The following PNPLA7 variants were observed in gnomAD, a reference collection of about 807,000 sequenced individuals.
PNPLA7 encodes the protein patatin-like phospholipase domain-containing protein 7.
In PNPLA7, 153 loss-of-function variants were observed where a neutral mutation model predicts 161.7. The observed-to-expected ratio is 0.95, with a 90% CI of 0.83 to 1.08. The LOEUF is 1.08. PNPLA7 is among the 50% of genes least tolerant of loss of function. The pLI is 0.00. For synonymous variants in PNPLA7, 809 were observed against 782.1 expected, an observed-to-expected ratio of 1.03 and a Z score of -0.57; for missense variants, 1,739 against 1,856.6, an observed-to-expected ratio of 0.94 and a Z score of 1.16.
chr9:137,479,838 C>T lies in PNPLA7; in HGVS notation c.2580+474G>A, dbSNP rs1160017982. ...CAGACACAGCCTGGGGCCAGCGTCC[C>T]GAAGGTGCCTGCAGAAGGCTGTTCC... On this transcript the variant is annotated intron_variant, in intron 23 of 34. Coordinates refer to ENST00000406427, the MANE Select transcript of PNPLA7 (RefSeq NM_001098537.3). 1.6e-5 allele frequency: 16 copies of T among 985,280 alleles called. No individual in the cohort carries two copies. The Admixed American group carries it at 1.8e-4, about 11-fold the overall frequency. The allele number at this position is 985,280 out of a possible 1,614,324, so 61.0% of individuals were successfully genotyped here.
rs773964216 is a variant in PNPLA7, at chr9:137,463,480, G to T, written c.3278C>A (p.Pro1093His). 7.5e-6 allele frequency: 12 copies of T among 1,593,114 alleles called. No individual in the cohort carries two copies. The change falls in exon 29 of 35, where the codon CCC becomes CAC. Residue 1093 changes from proline (P) to histidine (H), a missense_variant. This residue lies in a region of PNPLA7 where 703 missense variants were observed against 694.6 expected (regional missense o/e 1.01). Transcript: ENST00000406427. The part of the protein sequence containing the change: ...RASMSLSGYM[P>H]PLCDPKDGHL... ...TCCGTCCTTCGGGTCACAGAGAGGG[G>T]GCATGTAACCGGACAGGGACATGCT...
intron 15 of PNPLA7, among the ~76,000 whole-genome samples, chr9:137,501,440 A>G (rs1022518221): frequency 7.2e-5 from 11 of 152,206 alleles, no homozygotes; most frequent in African/African-American, 2.7e-4. Flanking sequence ...CAGAAGGGCC[A>G]GTGCAGCAGG....
At chr9:137,492,936 G>T in intron 20 of PNPLA7, 77 bp downstream of exon 20, 2 of 1,266,486 alleles carry the variant, frequency 1.6e-6, no homozygotes, top group Non-Finnish European at 2.2e-6. Flanking sequence ...GGAGGGCGGG[G>T]CCATGGGCTG....
At chr9:137,511,379 T>TTACTCAGTGGACCTTGGTCTGGC (rs1834226965) in intron 12 of PNPLA7, among the ~76,000 whole-genome samples, 2 of 82,758 alleles carry the variant, frequency 2.4e-5, no homozygotes, top group Admixed American at 1.2e-4. Flanking sequence ...CTTGGCCTGG[T>TTACTCAGTGGACCTTGGTCTGGC]GGTAGCGCCA....
intron 12 of PNPLA7, among the ~76,000 whole-genome samples, chr9:137,511,115 G>A (rs746549063): frequency 1.4e-4 from 21 of 152,230 alleles, no homozygotes; most frequent in Non-Finnish European, 1.0e-4. Flanking sequence ...TTGGTCTAGC[G>A]GTAGTGCCAG....
At chr9:137,502,572 C>A (rs938509701) in intron 14 of PNPLA7, among the ~76,000 whole-genome samples, 1 of 142,314 alleles carries the variant, frequency 7.0e-6, no homozygotes, top group Non-Finnish European at 1.5e-5. Context: ...GGCCGCATCG[C>A]CCCAGGGCGC....
At position 137,460,243 on chromosome 9, in the gene PNPLA7, G is replaced by C. The variant is rs1831108535; in HGVS notation, c.*150C>G. 2 of 670,920 alleles carry C rather than the reference G, an allele frequency of 3.0e-6. No individual in the cohort carries two copies. The highest frequency in any genetic ancestry group is 1.8e-5 in the African/African-American group (1 of 55,036). The allele number at this position is 670,920 out of a possible 1,614,324, so 41.6% of individuals were successfully genotyped here. On this transcript the variant is annotated 3_prime_UTR_variant, in exon 35 of 35. Coordinates refer to ENST00000406427, the MANE Select transcript of PNPLA7 (RefSeq NM_001098537.3). ...TGCAGGGCTGCTGGTACAAAGAAGA[G>C]GCCCAGAGAACCCTAACACAGCCTG...
chr9:137,503,902 G>A (rs1183501879), intron 14 of PNPLA7, among the ~76,000 whole-genome samples: 24 of 60,060 alleles, frequency 4.0e-4, no homozygotes, highest in Admixed American at 9.6e-4. Flanking sequence ...GAAGAAGAAG[G>A]AAGAAGAAAG....
intron 12 of PNPLA7, among the ~76,000 whole-genome samples, chr9:137,513,199 A>G (rs920416028): frequency 3.3e-5 from 5 of 152,142 alleles, no homozygotes; most frequent in Non-Finnish European, 7.3e-5. Context: ...GCTAATAAAA[A>G]TAGTCTTTGA....
At chr9:137,466,210 T>C (rs1262261659) in intron 26 of PNPLA7, among the ~76,000 whole-genome samples, 1 of 152,174 alleles carries the variant, frequency 6.6e-6, no homozygotes, top group Non-Finnish European at 1.5e-5. Flanking sequence ...GAAACCCCCA[T>C]GGAGGCTCCA....
chr9:137,503,332 G>A (rs956836571), intron 14 of PNPLA7, among the ~76,000 whole-genome samples: 1 of 151,960 alleles, frequency 6.6e-6, no homozygotes, highest in Non-Finnish European at 1.5e-5. Context: ...AGTGAACTGA[G>A]ATGGCACCAC....
At chr9:137,511,435 T>C (rs1303955245) in intron 12 of PNPLA7, among the ~76,000 whole-genome samples, 1 of 151,040 alleles carries the variant, frequency 6.6e-6, no homozygotes, top group African/African-American at 2.4e-5. Context: ...GGCCTGGCGG[T>C]AGCGCCAGCG....
Position 137,506,083 on chromosome 9 carries a change from C to G in PNPLA7, c.1226G>C (p.Gly409Ala). The G allele has an allele frequency of 1.2e-6, 2 of 1,610,606 alleles. No homozygotes were observed. The highest frequency in any genetic ancestry group is 1.7e-6 in the Non-Finnish European group (2 of 1,178,734). Reference sequence around the variant, plus strand: ...ATCAGAAGTGGCACTGCCTGGGCCCCCTACACACAGAGGGGACACTCAGGA... The same window carrying G: ...ATCAGAAGTGGCACTGCCTGGGCCCGCTACACACAGAGGGGACACTCAGGA... ...AGDPDPSAPQ[G>A]GPGSATSDLG... The change falls in exon 13 of 35, where the codon GGG becomes GCG. Residue 409 changes from glycine (G) to alanine (A), a missense_variant and splice_region_variant. Gly to Ala is a moderately conservative substitution (Grantham distance 60). Coordinates refer to ENST00000406427, the MANE Select transcript of PNPLA7 (RefSeq NM_001098537.3).
At chr9:137,478,837 G>T in intron 24 of PNPLA7, 1 of 626,874 alleles carries the variant, frequency 1.6e-6, no homozygotes, top group Non-Finnish European at 2.5e-6. Context: ...TGGCCGCCCT[G>T]TGCCTGCCCC....
chr9:137,532,770 C>G (rs1234466267), intron 8 of PNPLA7, among the ~76,000 whole-genome samples: 1 of 152,188 alleles, frequency 6.6e-6, no homozygotes. Context: ...CTGACCCCAA[C>G]AGGCTGGAAA....
chr9:137,539,296 T>C (rs146035790), intron 8 of PNPLA7, among the ~76,000 whole-genome samples: 285 of 152,148 alleles, frequency 1.9e-3, no homozygotes, highest in Middle Eastern at 6.8e-3. Context: ...TGAGCCAAGA[T>C]TGCGCCATTG....
At chr9:137,546,060 T>C (rs934546594) in intron 4 of PNPLA7, among the ~76,000 whole-genome samples, 1 of 152,164 alleles carries the variant, frequency 6.6e-6, no homozygotes. Context: ...TGTGCTTCAG[T>C]GGTCACGCTC....
chr9:137,530,057 C>A (rs141127751), intron 8 of PNPLA7, among the ~76,000 whole-genome samples: 1,765 of 151,946 alleles, frequency 0.012, 31 homozygotes, highest in African/African-American at 0.039. Flanking sequence ...TTCTGCCTCC[C>A]GGGTTCAAGC....
In PNPLA7 at chr9:137,540,254, G is replaced by A. The variant is rs984918747; in HGVS notation, c.747+388C>T. ...AGCCACAGAAAGACGGCGCCAGCAGGGAAGAGCCCAGCAGGACCTGCAGGA... is the reference window on the plus strand; with the variant it reads ...AGCCACAGAAAGACGGCGCCAGCAGAGAAGAGCCCAGCAGGACCTGCAGGA... On this transcript the variant is annotated intron_variant, in intron 8 of 34. Transcript: ENST00000406427. This position sits in a 1 kb window ranked among gnomAD's most constrained non-coding sequence, Gnocchi z 5.1. Among the ~76,000 whole-genome samples the A allele has an allele frequency of 1.3e-5, 2 of 152,206 alleles. No individual in the cohort carries two copies. Among genetic ancestry groups the A allele is most frequent in the Non-Finnish European group, 2.9e-5 (2 of 68,028 alleles).
Sources: allele counts gnomAD v4.1 joint callset (sites outside exome capture counted in the v4.1 genomes callset), GRCh38; gene constraint gnomAD v4.1.1; regional missense constraint gnomAD v4.1.1; non-coding constraint Gnocchi (gnomAD v3.1); transcripts MANE v1.5; gene names NCBI Gene and HGNC (gene_info 2026-07-23, HGNC 2026-07-21).